RFK: variants seen among roughly 807,000 people sequenced by gnomAD.
RFK encodes the protein riboflavin kinase.
RFK carries 4 observed loss-of-function variants against 17.6 expected under a neutral mutation model. That is an observed-to-expected ratio of 0.23 (90% CI 0.11 to 0.52). The LOEUF (loss-of-function observed/expected upper bound fraction) is 0.52, where lower values mean the gene tolerates loss of function less well. Among genes scored for constraint, RFK ranks in the 20% least tolerant of loss-of-function variants. RFK has a pLI of 0.96. For synonymous variants in RFK, 59 were observed against 63.8 expected (o/e 0.92, Z 0.36); for missense variants, 189 against 187.7 (o/e 1.01, Z -0.04).
rs12349438 is a variant in RFK, at chr9:76,392,349, C to T, written c.234+69G>A. Reference sequence around the variant, plus strand: ...TACCACTGATAAGCTATTTCTGTAACGAATACTGTAATATATTATTCTAAG... The same window carrying T: ...TACCACTGATAAGCTATTTCTGTAATGAATACTGTAATATATTATTCTAAG... On this transcript the variant is annotated intron_variant, in intron 2 of 3. Coordinates refer to ENST00000376736, the MANE Select transcript of RFK (RefSeq NM_018339.6). The T allele has an allele frequency of 3.4e-3, 5,050 of 1,502,742 alleles. 108 individuals are homozygous for T. The African/African-American group carries it at 0.056, about 17-fold the overall frequency. The allele number at this position is 1,502,742 out of a possible 1,614,324, so 93.1% of individuals were successfully genotyped here.
At chr9:76,391,964 G>A (rs954081095) in intron 2 of RFK, among the ~76,000 whole-genome samples, 2 of 151,360 alleles carry the variant, frequency 1.3e-5, no homozygotes, top group Admixed American at 1.3e-4. Context: ...TGCAATTTCT[G>A]AGTTCTGTAT....
intron 2 of RFK, among the ~76,000 whole-genome samples, chr9:76,391,809 G>A (rs1822823385): frequency 6.6e-6 from 1 of 152,124 alleles, no homozygotes. Context: ...TGTACCTATA[G>A]TCCCAGCTCT....
intron 2 of RFK, among the ~76,000 whole-genome samples, chr9:76,390,598 AG>A (rs1256554257): frequency 6.6e-6 from 1 of 151,740 alleles, no homozygotes; most frequent in Non-Finnish European, 1.5e-5. Context: ...CAGAAAGTTG[AG>A]GCTGCAGTGA....
chr9:76,391,381 T>C (rs908534480), intron 2 of RFK, among the ~76,000 whole-genome samples: 6 of 152,186 alleles, frequency 3.9e-5, no homozygotes, highest in African/African-American at 1.4e-4. Context: ...TGGGGTCCTG[T>C]AAAGAGTAGG....
chr9:76,391,151 T>C (rs977897931), intron 2 of RFK, among the ~76,000 whole-genome samples: 15 of 152,358 alleles, frequency 9.8e-5, no homozygotes, highest in African/African-American at 3.6e-4. Context: ...AAATCATTAA[T>C]ACTGAAAAAT....
At chr9:76,392,327 C>A in intron 2 of RFK, 91 bp downstream of exon 2, 1 of 1,338,290 alleles carries the variant, frequency 7.5e-7, no homozygotes, top group Admixed American at 1.9e-5. Context: ...TTGTGATTAC[C>A]ACTGATAAGC....
chr9:76,393,445 G>A (rs1053909973), intron 1 of RFK, among the ~76,000 whole-genome samples: 1 of 152,130 alleles, frequency 6.6e-6, no homozygotes, highest in Non-Finnish European at 1.5e-5. Flanking sequence ...GAGCTCAGAT[G>A]ATCCGCCCGC....
At chr9:76,394,021 C>A (rs947040543) in intron 1 of RFK, 69 bp downstream of exon 1, 15 of 1,456,600 alleles carry the variant, frequency 1.0e-5, no homozygotes, top group Admixed American at 4.2e-5. Context: ...GGTCCCAAGT[C>A]CCCGGCTGCC....
intron 2 of RFK, among the ~76,000 whole-genome samples, chr9:76,391,928 C>A: frequency 1.6e-5 from 2 of 124,020 alleles, no homozygotes; most frequent in Middle Eastern, 3.8e-3. Context: ...ATAGTGAGAC[C>A]CCATCTTTAA....
At chr9:76,389,473 A>C (rs938868309) in intron 2 of RFK, among the ~76,000 whole-genome samples, 10 of 152,180 alleles carry the variant, frequency 6.6e-5, no homozygotes, top group Admixed American at 2.0e-4. Flanking sequence ...AAGATATGTA[A>C]GACTGGTTGG....
Position 76,387,266 on chromosome 9 carries a change from C to T in RFK, c.*133G>A, listed in dbSNP as rs1443936293. The T allele has an allele frequency of 2.5e-6, 2 of 788,354 alleles. No individual in the cohort carries two copies. Among genetic ancestry groups the T allele is most frequent in the Non-Finnish European group, 4.1e-6 (2 of 489,840 alleles). 48.8% of individuals were successfully genotyped at this position (788,354 alleles called of 1,614,324 possible). On this transcript the variant is annotated 3_prime_UTR_variant, in exon 4 of 4. Coordinates refer to ENST00000376736, the MANE Select transcript of RFK (RefSeq NM_018339.6). ...TAGTTGAAGCATGATATGATAACAA[C>T]ATTGTACGGTTTAAACTAATTCACA... is the stretch of plus-strand genomic sequence containing the variant.
intron 3 of RFK, chr9:76,387,840 A>T: frequency 4.2e-6 from 1 of 238,688 alleles, no homozygotes; most frequent in Non-Finnish European, 8.3e-6. Context: ...CTCTACTAAA[A>T]CTACAAAAAT....
intron 2 of RFK, among the ~76,000 whole-genome samples, chr9:76,391,035 A>G (rs1047477762): frequency 6.6e-6 from 1 of 152,198 alleles, no homozygotes; most frequent in South Asian, 2.1e-4. Flanking sequence ...CTAAAGACAA[A>G]TTAGTTATGG....
chr9:76,394,029 G>A (rs904092479), intron 1 of RFK, 61 bp downstream of exon 1: 3 of 1,493,660 alleles, frequency 2.0e-6, no homozygotes, highest in Non-Finnish European at 2.7e-6. Flanking sequence ...GTCCCCGGCT[G>A]CCGTCTCTCC....
intron 1 of RFK, 165 bp downstream of exon 1, chr9:76,393,925 G>C (rs1165415896): frequency 1.5e-6 from 1 of 650,468 alleles, no homozygotes; most frequent in Non-Finnish European, 2.5e-6. Context: ...TCCCTCAACC[G>C]AGCCAACGGT....
intron 2 of RFK, among the ~76,000 whole-genome samples, chr9:76,390,434 CAGG>C (rs1822803859): frequency 6.6e-6 from 1 of 152,054 alleles, no homozygotes; most frequent in South Asian, 2.1e-4. Context: ...GAGGCTGAGG[CAGG>C]AGGACTGCTT....
In RFK at chr9:76,387,128, T is replaced by C. The variant is rs1283007567; in HGVS notation, c.*271A>G. ...AACTAGTGACTTGCCTTTTTACCCA[T>C]ACTTATACACATGTAATACCTTTCT... On this transcript the variant is annotated 3_prime_UTR_variant, in exon 4 of 4. Transcript: ENST00000376736. The C allele has an allele frequency of 3.8e-6, 1 of 260,734 alleles. No individual in the cohort carries two copies. Among genetic ancestry groups the C allele is most frequent in the African/African-American group, 2.2e-5 (1 of 45,224 alleles). 16.2% of individuals were successfully genotyped at this position (260,734 alleles called of 1,614,324 possible).
At chr9:76,389,762 T>A (rs1822792314) in intron 2 of RFK, among the ~76,000 whole-genome samples, 1 of 151,826 alleles carries the variant, frequency 6.6e-6, no homozygotes, top group African/African-American at 2.4e-5. Context: ...GAGCGAAGAC[T>A]CCATCTCAAA....
Position 76,394,257 on chromosome 9 carries a change from A to T in RFK, c.-86T>A. 7.2e-7 allele frequency: 1 copy of T among 1,384,724 alleles called. No individual in the cohort carries two copies. Among genetic ancestry groups the T allele is most frequent in the Non-Finnish European group, 9.8e-7 (1 of 1,016,306 alleles). The allele number at this position is 1,384,724 out of a possible 1,614,324, so 85.8% of individuals were successfully genotyped here. A position where few individuals can be genotyped will look rare whatever the true frequency, so the allele number is the denominator to read the frequency against. On this transcript the variant is annotated 5_prime_UTR_variant, in exon 1 of 4. Transcript: ENST00000376736. ...CGACGCGGCGCCCAGACCCCGGACC[A>T]GCCGGGGGACAGGAGCGTGAGCTCT...
Sources: gnomAD v4.1 joint callset for allele counts (sites outside exome capture counted in the v4.1 genomes callset) on GRCh38, gnomAD v4.1.1 for gene constraint, MANE v1.5 for transcripts, NCBI Gene and HGNC (gene_info 2026-07-23, HGNC 2026-07-21) for gene names.